AR: variants seen among roughly 807,000 people sequenced by gnomAD.
The protein encoded by AR is androgen receptor.
A neutral mutation model predicts 53.9 loss-of-function variants in AR; 8 were observed. The observed-to-expected ratio is 0.15, with a 90% CI of 0.09 to 0.27. The LOEUF (loss-of-function observed/expected upper bound fraction) is 0.27. AR is among the 10% of genes least tolerant of loss of function. AR has a pLI of 1.00. For synonymous variants in AR, 359 were observed against 316.4 expected, an observed-to-expected ratio of 1.13 and a Z score of -1.43; for missense variants, 639 against 742.5, an observed-to-expected ratio of 0.86 and a Z score of 1.62.
At chrX:67,673,272 T>C (rs781776026) in intron 2 of AR, among the ~76,000 whole-genome samples, 1 of 110,420 alleles carries the variant, frequency 9.1e-6, no homozygotes, top group African/African-American at 3.3e-5. Context: ...CTTCGTGTTC[T>C]TGTACTTGGA....
chrX:67,567,343 ACTTCCTTAG>A (rs1162388763), intron 1 of AR, among the ~76,000 whole-genome samples: 2 of 111,339 alleles, frequency 1.8e-5, no homozygotes, highest in Non-Finnish European at 3.8e-5. Context: ...TCTCTTTTTT[ACTTCCTTAG>A]CTTCATAAAC....
chrX:67,707,075 G>T (rs1353716235), intron 3 of AR, among the ~76,000 whole-genome samples: 1 of 111,768 alleles, frequency 8.9e-6, no homozygotes, highest in African/African-American at 3.3e-5. Context: ...CAACTCAGTG[G>T]TCAATTTTGG....
At chrX:67,674,611 T>A (rs994002256) in intron 2 of AR, among the ~76,000 whole-genome samples, 2 of 111,588 alleles carry the variant, frequency 1.8e-5, no homozygotes, top group Non-Finnish European at 3.8e-5. Context: ...ATTGTCTGGC[T>A]ACCACCAATC....
chrX:67,570,203 C>T (rs2147345927), intron 1 of AR, among the ~76,000 whole-genome samples: 1 of 112,029 alleles, frequency 8.9e-6, no homozygotes, highest in African/African-American at 3.2e-5. Context: ...CTTTCTGCTT[C>T]TCTGTGACCA....
intron 3 of AR, among the ~76,000 whole-genome samples, chrX:67,686,444 C>T (rs183050620): frequency 4.5e-5 from 5 of 111,705 alleles, no homozygotes; most frequent in Admixed American, 9.5e-5. Context: ...TGATACTGGC[C>T]TGATGTTGTT....
intron 2 of AR, among the ~76,000 whole-genome samples, chrX:67,651,568 A>G (rs1190671456): frequency 8.9e-6 from 1 of 111,812 alleles, no homozygotes; most frequent in Non-Finnish European, 1.9e-5. Flanking sequence ...AGCTCCTCAA[A>G]TAAGCCAACA....
intron 1 of AR, chrX:67,568,721 G>T (rs1433728326): frequency 7.7e-5 from 23 of 296,878 alleles, no homozygotes; most frequent in South Asian, 3.4e-4. Context: ...GGCAGTAATT[G>T]GCATCAGGAG....
chrX:67,626,609 T>TA (rs1924658049), intron 1 of AR, among the ~76,000 whole-genome samples: 1 of 47,491 alleles, frequency 2.1e-5, no homozygotes, highest in African/African-American at 5.4e-5. Flanking sequence ...CCCGACTAAT[T>TA]TTATATATAT....
At chrX:67,677,336 T>C (rs776335692) in intron 2 of AR, among the ~76,000 whole-genome samples, 7 of 111,655 alleles carry the variant, frequency 6.3e-5, no homozygotes, top group Middle Eastern at 4.6e-3. Context: ...AAAGATAGAT[T>C]AATCAATCAT....
intron 2 of AR, among the ~76,000 whole-genome samples, chrX:67,651,209 T>A (rs1229681325): frequency 6.5e-5 from 7 of 106,974 alleles, no homozygotes; most frequent in Non-Finnish European, 9.7e-5. Flanking sequence ...CCCAGCTTTT[T>A]TTTTTTTTTC....
At chrX:67,555,270 GAAGT>G (rs1930153070) in intron 1 of AR, among the ~76,000 whole-genome samples, 1 of 111,852 alleles carries the variant, frequency 8.9e-6, no homozygotes, top group Non-Finnish European at 1.9e-5. Context: ...ATCCTTCGTG[GAAGT>G]AAGTAGGAGC....
rs187077596 is a variant in AR, at chrX:67,730,560, G to A, written c.*6719G>A. 1.2e-5 allele frequency: 2 copies of A among 169,820 alleles called. No individual in the cohort carries two copies. Among genetic ancestry groups the A allele is most frequent in the Admixed American group, 1.6e-4 (2 of 12,532 alleles). The allele number at this position is 169,820 out of a possible 1,213,427, so 14.0% of individuals were successfully genotyped here. A position where few individuals can be genotyped will look rare whatever the true frequency, so the allele number is the denominator to read the frequency against. The stretch of plus-strand genomic sequence containing the variant: ...TTAACAAAGAGACCCAAGAAAAGCT[G>A]CTAATGTCCTCTTATCATTGTTGTT... On this transcript the variant is annotated 3_prime_UTR_variant, in exon 8 of 8. Transcript: ENST00000374690.
At chrX:67,626,640 T>C (rs1028963525) in intron 1 of AR, among the ~76,000 whole-genome samples, 1 of 99,142 alleles carries the variant, frequency 1.0e-5, no homozygotes, top group African/African-American at 3.8e-5. Context: ...ATATATTTAT[T>C]ATTATTATAC....
At chrX:67,680,762 C>A (rs1380826309) in intron 2 of AR, 2 of 331,047 alleles carry the variant, frequency 6.0e-6, no homozygotes, top group Non-Finnish European at 1.2e-5. Context: ...TAATCAGACA[C>A]TAACCCCAAG....
intron 1 of AR, among the ~76,000 whole-genome samples, chrX:67,602,107 A>G (rs902859211): frequency 1.8e-5 from 2 of 112,560 alleles, no homozygotes; most frequent in South Asian, 7.3e-4. Context: ...AATTTTCTGG[A>G]AAGTTTACAT....
chrX:67,653,666 C>T (rs1026502764), intron 2 of AR, among the ~76,000 whole-genome samples: 1 of 111,303 alleles, frequency 9.0e-6, no homozygotes, highest in Admixed American at 9.6e-5. Context: ...CTTGCTCCCT[C>T]CGCATGCTGA....
At chrX:67,687,605 G>A (rs992782418) in intron 3 of AR, among the ~76,000 whole-genome samples, 9 of 111,800 alleles carry the variant, frequency 8.1e-5, no homozygotes, top group Non-Finnish European at 1.7e-4. Context: ...GAGTACAGAG[G>A]CAAAGGCAGG....
intron 1 of AR, among the ~76,000 whole-genome samples, chrX:67,643,021 T>A (rs1014677586): frequency 8.9e-6 from 1 of 111,948 alleles, no homozygotes; most frequent in African/African-American, 3.2e-5. Flanking sequence ...ACTATGAGAT[T>A]GGCTAATCCC....
chrX:67,661,114 T>C (rs1926886132), intron 2 of AR, among the ~76,000 whole-genome samples: 1 of 111,446 alleles, frequency 9.0e-6, no homozygotes, highest in African/African-American at 3.3e-5. Context: ...AGATTTTGGG[T>C]TGAGACGATG....
Sources: allele counts gnomAD v4.1 joint callset (sites outside exome capture counted in the v4.1 genomes callset), GRCh38; gene constraint gnomAD v4.1.1; transcripts MANE v1.5; gene names NCBI Gene and HGNC (gene_info 2026-07-23, HGNC 2026-07-21).